PCDHGA8: variants seen among roughly 807,000 people sequenced by gnomAD.
The protein encoded by PCDHGA8 is protocadherin gamma-A8.
PCDHGA8 carries 45 observed loss-of-function variants against 59.2 expected under a neutral mutation model. The observed-to-expected ratio is 0.76, with a 90% CI of 0.60 to 0.98. The LOEUF (loss-of-function observed/expected upper bound fraction) is 0.98, where lower values mean the gene tolerates loss of function less well. PCDHGA8 is among the 50% of genes least tolerant of loss of function. The pLI, the probability that PCDHGA8 is intolerant of heterozygous loss-of-function variation, is 0.00. For missense variants in PCDHGA8, 1,257 were observed against 1,196.2 expected, an observed-to-expected ratio of 1.05 and a Z score of -0.75; for synonymous variants, 531 against 519.0, an observed-to-expected ratio of 1.02 and a Z score of -0.32.
intron 1 of PCDHGA8, among the ~76,000 whole-genome samples, chr5:141,456,537 G>A (rs1411788378): frequency 1.3e-5 from 2 of 152,178 alleles, no homozygotes; most frequent in African/African-American, 4.8e-5. Flanking sequence ...ATTAAAGAGG[G>A]ATTGTAGCCA....
rs117064561 is a variant in PCDHGA8, at chr5:141,470,737, G to T, written c.2425-24070G>T. Among the ~76,000 whole-genome samples the T allele has an allele frequency of 1.9e-3, 295 of 152,132 alleles. 7 individuals carry two copies. In the East Asian group the frequency reaches 0.046, roughly 24 times the overall value. On this transcript the variant is annotated intron_variant, in intron 1 of 3. Coordinates refer to ENST00000398604, the MANE Select transcript of PCDHGA8 (RefSeq NM_032088.2). ...TTTTGAGTCAGGGTCTTGCTCTGTC[G>T]CCCTGGCTGGAGTGCAGTGGACTCA...
chr5:141,418,007 C>G (rs1561770675), intron 1 of PCDHGA8: 1 of 1,613,904 alleles, frequency 6.2e-7, no homozygotes, highest in Non-Finnish European at 8.5e-7. Flanking sequence ...GGTGGGGAAC[C>G]TCGCTAAGGA....
At position 141,512,116 on chromosome 5, in the gene PCDHGA8, T is replaced by TTA. The variant is rs2099884085; in HGVS notation, c.*943_*944insTA. On this transcript the variant is annotated 3_prime_UTR_variant, in exon 4 of 4. Coordinates refer to ENST00000398604, the MANE Select transcript of PCDHGA8 (RefSeq NM_032088.2). ...ACTAGGCTGGACCCTTCCCACTACA[T>TTA]AATAGGGCTCAGCCCAGGCAGCCAG... 1 of 152,600 alleles carries TTA rather than the reference T, an allele frequency of 6.6e-6. No homozygotes were observed. The highest frequency in any genetic ancestry group is 2.1e-4 in the South Asian group (1 of 4,832). 9.5% of individuals were successfully genotyped at this position (152,600 alleles called of 1,614,324 possible).
intron 1 of PCDHGA8, chr5:141,415,949 C>T (rs369226000): frequency 6.5e-4 from 320 of 496,036 alleles, no homozygotes; most frequent in African/African-American, 5.9e-3. Context: ...TGGGTGGTCA[C>T]ATATTGAAAC....
chr5:141,399,682 G>A (rs778817737), intron 1 of PCDHGA8: 14 of 1,613,512 alleles, frequency 8.7e-6, no homozygotes, highest in Non-Finnish European at 1.2e-5. Flanking sequence ...CTTTGACTAC[G>A]AGCAGCTGCG....
At chr5:141,500,667 TC>T (rs1032555959) in intron 2 of PCDHGA8, among the ~76,000 whole-genome samples, 26 of 152,194 alleles carry the variant, frequency 1.7e-4, no homozygotes, top group African/African-American at 6.0e-4. Flanking sequence ...GGCCATACTG[TC>T]CAACAGAATT....
chr5:141,488,437 C>A (rs1327345486), intron 1 of PCDHGA8, among the ~76,000 whole-genome samples: 2 of 152,210 alleles, frequency 1.3e-5, no homozygotes, highest in Non-Finnish European at 2.9e-5. Context: ...CCTCTGACCA[C>A]CCTCCTGGGT....
chr5:141,474,993 C>A (rs1313232385), intron 1 of PCDHGA8, among the ~76,000 whole-genome samples: 24 of 152,324 alleles, frequency 1.6e-4, no homozygotes. Context: ...GACAACAATT[C>A]TAAATGCAGA....
chr5:141,476,446 G>A lies in PCDHGA8; in HGVS notation c.2425-18361G>A. On this transcript the variant is annotated intron_variant, in intron 1 of 3. Transcript: ENST00000398604. This position sits in a 1 kb window ranked among gnomAD's most constrained non-coding sequence, Gnocchi z 7.6. Reference sequence around the variant, plus strand: ...CCTCTTGCACTGTAACTCTGGAGTTGGTAGTGGAGAACCCGCTGGAGCTGT... The same window carrying A: ...CCTCTTGCACTGTAACTCTGGAGTTAGTAGTGGAGAACCCGCTGGAGCTGT... 6.2e-7 allele frequency: 1 copy of A among 1,614,144 alleles called. No homozygotes were observed. Among genetic ancestry groups the A allele is most frequent in the South Asian group, 1.1e-5 (1 of 91,072 alleles).
At chr5:141,464,883 T>G (rs995385615) in intron 1 of PCDHGA8, among the ~76,000 whole-genome samples, 1 of 152,086 alleles carries the variant, frequency 6.6e-6, no homozygotes, top group African/African-American at 2.4e-5. Flanking sequence ...GGACTACAGA[T>G]GGATGCCACC....
At chr5:141,440,779 GC>G (rs2154559027) in intron 1 of PCDHGA8, 1 of 152,294 alleles carries the variant, frequency 6.6e-6, no homozygotes, top group Admixed American at 6.5e-5. Flanking sequence ...AGTGCTAGCA[GC>G]CTTAGACGGC....
At chr5:141,449,796 A>G (rs1358409274) in intron 1 of PCDHGA8, among the ~76,000 whole-genome samples, 2 of 151,590 alleles carry the variant, frequency 1.3e-5, no homozygotes, top group Admixed American at 6.6e-5. Context: ...TTATTCCTAA[A>G]TACCTCATTG....
chr5:141,444,364 T>C (rs1191889941), intron 1 of PCDHGA8, among the ~76,000 whole-genome samples: 2 of 151,718 alleles, frequency 1.3e-5, no homozygotes, highest in Admixed American at 1.3e-4. Context: ...AGAGACGGGG[T>C]TTCTCCATGT....
At chr5:141,451,880 A>G (rs1322052501) in intron 1 of PCDHGA8, among the ~76,000 whole-genome samples, 1 of 152,106 alleles carries the variant, frequency 6.6e-6, no homozygotes, top group East Asian at 1.9e-4. Flanking sequence ...AACCCTGTCA[A>G]GAAAGAAAGG....
intron 1 of PCDHGA8, chr5:141,421,961 A>G: frequency 6.2e-7 from 1 of 1,612,542 alleles, no homozygotes; most frequent in Non-Finnish European, 8.5e-7. Context: ...ATGTTTACAC[A>G]GTCCGTATAT....
At chr5:141,418,802 T>C in intron 1 of PCDHGA8, 1 of 1,613,862 alleles carries the variant, frequency 6.2e-7, no homozygotes, top group Non-Finnish European at 8.5e-7. Flanking sequence ...AGTAGAAAGA[T>C]ATACGATAAA....
At chr5:141,495,255 G>A (rs1055329757) in intron 2 of PCDHGA8, among the ~76,000 whole-genome samples, 5 of 152,212 alleles carry the variant, frequency 3.3e-5, no homozygotes, top group African/African-American at 1.2e-4. Flanking sequence ...GGCTCAGGCA[G>A]AAAAGCATTT....
intron 1 of PCDHGA8, 72 bp from the exon 2 acceptor site, chr5:141,494,735 A>C: frequency 6.2e-7 from 1 of 1,610,712 alleles, no homozygotes; most frequent in Middle Eastern, 1.7e-4. Context: ...CTCCCGGCCC[A>C]TCCCTAGGGG....
chr5:141,445,303 G>A (rs145466142), intron 1 of PCDHGA8, among the ~76,000 whole-genome samples: 327 of 152,332 alleles, frequency 2.1e-3, no homozygotes, highest in African/African-American at 7.6e-3. Context: ...ATTCTCTTCA[G>A]TTTGTAGGTT....
Sources: gnomAD v4.1 joint callset for allele counts (sites outside exome capture counted in the v4.1 genomes callset) on GRCh38, gnomAD v4.1.1 for gene constraint, Gnocchi (gnomAD v3.1) non-coding constraint, MANE v1.5 for transcripts, NCBI Gene and HGNC (gene_info 2026-07-23, HGNC 2026-07-21) for gene names.